HIVEP1: variants seen among roughly 807,000 people sequenced by gnomAD.
The protein encoded by HIVEP1 is HIVEP zinc finger 1.
In HIVEP1, 36 loss-of-function variants were observed where a neutral mutation model predicts 180.0. The ratio of observed to expected loss-of-function variants is 0.20; its 90% confidence interval spans 0.15 to 0.26. The LOEUF is 0.26. HIVEP1 is among the 10% of genes least tolerant of loss of function. The probability of loss-of-function intolerance (pLI) is 1.00; values close to 1 mark genes in which losing one functional copy is unlikely to be tolerated. For missense variants in HIVEP1, 3,143 were observed against 3,268.7 expected, an observed-to-expected ratio of 0.96 and a Z score of 0.94; for synonymous variants, 1,239 against 1,239.0, an observed-to-expected ratio of 1.00 and a Z score of 0.00.
the HIVEP1 span, among the ~76,000 whole-genome samples, chr6:12,196,284 A>G: frequency 6.6e-6 from 1 of 152,242 alleles, no homozygotes; most frequent in Non-Finnish European, 1.5e-5. Context: ...CCTCTAGTAG[A>G]AGTGATGTCA....
chr6:12,009,910 C>G (rs754757748), upstream of HIVEP1, among the ~76,000 whole-genome samples: 3 of 152,190 alleles, frequency 2.0e-5, no homozygotes, highest in Non-Finnish European at 4.4e-5. Context: ...ATGCTGAATC[C>G]TACATAAACA....
intron 2 of HIVEP1, among the ~76,000 whole-genome samples, chr6:12,066,974 A>C (rs7765398): frequency 0.41 from 62,328 of 151,752 alleles, 12,885 homozygotes; most frequent in East Asian, 0.64. Flanking sequence ...GCTTTGAACA[A>C]CAATAATAAT....
intron 4 of HIVEP1, among the ~76,000 whole-genome samples, chr6:12,127,014 C>T (rs9369101): frequency 0.065 from 9,888 of 152,018 alleles, 378 homozygotes; most frequent in Middle Eastern, 0.15. Flanking sequence ...CCCACCACCA[C>T]GCCTGGCTTT....
intron 2 of HIVEP1, among the ~76,000 whole-genome samples, chr6:12,056,491 G>C (rs533614757): frequency 3.3e-5 from 5 of 152,102 alleles, no homozygotes; most frequent in Admixed American, 2.6e-4. Context: ...ATCAATTTTT[G>C]TAAGTTGAAT....
chr6:12,110,131 A>G (rs1459437678), intron 3 of HIVEP1, among the ~76,000 whole-genome samples: 2 of 152,264 alleles, frequency 1.3e-5, no homozygotes, highest in Non-Finnish European at 2.9e-5. Context: ...CTATAAACAG[A>G]TGTGCTGTCA....
chr6:12,066,456 C>G (rs1312474742), intron 2 of HIVEP1, among the ~76,000 whole-genome samples: 1 of 152,166 alleles, frequency 6.6e-6, no homozygotes, highest in Non-Finnish European at 1.5e-5. Flanking sequence ...ATGGCAGCAG[C>G]TGATAAATGA....
At chr6:12,020,174 A>G in intron 2 of HIVEP1, 1 of 392,982 alleles carries the variant, frequency 2.5e-6, no homozygotes, top group South Asian at 1.9e-5. Context: ...GTTTTGTTGA[A>G]TTCAGTCTCT....
intron 2 of HIVEP1, among the ~76,000 whole-genome samples, chr6:12,019,802 C>T (rs754355265): frequency 2.6e-5 from 4 of 152,150 alleles, no homozygotes; most frequent in Admixed American, 6.5e-5. Flanking sequence ...TATATCCCTA[C>T]GGATGTGCAA....
upstream of HIVEP1, among the ~76,000 whole-genome samples, chr6:12,011,204 T>A (rs1767262149): frequency 6.6e-6 from 1 of 151,180 alleles, no homozygotes; most frequent in East Asian, 2.0e-4. Context: ...TCAAAGTTAA[T>A]GAGTTTTAAG....
the HIVEP1 span, among the ~76,000 whole-genome samples, chr6:12,179,688 C>G: frequency 6.6e-6 from 1 of 152,110 alleles, no homozygotes; most frequent in Admixed American, 6.5e-5. Context: ...GTATCACTTA[C>G]AAGTAACAGT....
At chr6:12,082,498 C>T (rs1772850575) in intron 2 of HIVEP1, among the ~76,000 whole-genome samples, 1 of 151,998 alleles carries the variant, frequency 6.6e-6, no homozygotes, top group Non-Finnish European at 1.5e-5. Flanking sequence ...GATCTTGATA[C>T]CCGCGGTCAA....
At chr6:12,176,079 C>T in the HIVEP1 span, among the ~76,000 whole-genome samples, 1 of 152,048 alleles carries the variant, frequency 6.6e-6, no homozygotes, top group African/African-American at 2.4e-5. Flanking sequence ...TGCTGGGATC[C>T]GGGATTCTTA....
chr6:12,164,342 A>T lies in HIVEP1; in HGVS notation c.8038A>T (p.Thr2680Ser). 2 of 1,613,780 alleles carry T rather than the reference A, an allele frequency of 1.2e-6. No homozygotes were observed. The highest frequency in any genetic ancestry group is 4.5e-5 in the East Asian group (2 of 44,866). ...TTTTACAAAGCCCTCAGGCCAGCAG[A>T]CTCTCTCTCCAGACAGACAGGTTCC... is the stretch of plus-strand genomic sequence containing the variant. ...EVFTKPSGQQ[T>S]LSPDRQVPRP... is the part of the protein sequence containing the mutation. Residue 2680 changes from threonine (T) to serine (S), a missense_variant, in exon 9 of 9, where the codon ACT (threonine) becomes TCT (serine). Physicochemically the swap from Thr to Ser is moderately conservative, Grantham distance 58. Around this residue, in one of 12 missense-constraint regions of HIVEP1, gnomAD observed 595 missense variants for 602.2 expected, o/e 0.99. Coordinates refer to ENST00000379388, the MANE Select transcript of HIVEP1 (RefSeq NM_002114.4).
intron 2 of HIVEP1, among the ~76,000 whole-genome samples, chr6:12,031,176 G>A (rs1332864207): frequency 6.6e-6 from 1 of 152,188 alleles, no homozygotes; most frequent in East Asian, 1.9e-4. Flanking sequence ...GTCTGTGTGT[G>A]GGCTGGGGAG....
At chr6:12,161,374 T>A in intron 7 of HIVEP1, 65 bp from the exon 8 acceptor site, 1 of 1,495,010 alleles carries the variant, frequency 6.7e-7, no homozygotes. Flanking sequence ...TATAAAAAAT[T>A]TTTAAAATAG....
chr6:12,123,877 G>A lies in HIVEP1; in HGVS notation c.4082G>A (p.Arg1361Gln), dbSNP rs765968431. 5.0e-6 allele frequency: 8 copies of A among 1,613,982 alleles called. No individual in the cohort carries two copies. Among genetic ancestry groups the A allele is most frequent in the East Asian group, 2.2e-5 (1 of 44,878 alleles). Reference sequence around the variant, plus strand: ...ACTCTGAATGTTCCTGGATGTCACCGGGAAATGAGGCGTACTGCATCAGAA... The same window carrying A: ...ACTCTGAATGTTCCTGGATGTCACCAGGAAATGAGGCGTACTGCATCAGAA... ...LNTLNVPGCH[R>Q]EMRRTASEQI... The change falls in exon 4 of 9, where the codon CGG becomes CAG. Residue 1361 changes from arginine (R) to glutamine (Q), a missense_variant. By Grantham distance (43) the Arg-to-Gln change is conservative. Coordinates refer to ENST00000379388, the MANE Select transcript of HIVEP1 (RefSeq NM_002114.4).
At chr6:12,078,636 C>T (rs201889437) in intron 2 of HIVEP1, among the ~76,000 whole-genome samples, 9 of 31,794 alleles carry the variant, frequency 2.8e-4, no homozygotes, top group African/African-American at 1.5e-3. Context: ...CATATATATA[C>T]ACACACACAC....
At chr6:12,039,694 C>T (rs1246096725) in intron 2 of HIVEP1, among the ~76,000 whole-genome samples, 1 of 152,158 alleles carries the variant, frequency 6.6e-6, no homozygotes, top group Admixed American at 6.5e-5. Flanking sequence ...GTAGAAGTAG[C>T]CTCTTTGACT....
intron 3 of HIVEP1, among the ~76,000 whole-genome samples, chr6:12,118,136 C>CTTTTTTTTTTTTTTTTTTTTTTTTT (rs201847516): frequency 3.7e-5 from 1 of 27,352 alleles, no homozygotes; most frequent in African/African-American, 5.8e-5. Flanking sequence ...ATGAGACCCC[C>CTTTTTTTTTTTTTTTTTTTTTTTTT]TTTTGTTTTT....
Sources: gnomAD v4.1 joint callset for allele counts (sites outside exome capture counted in the v4.1 genomes callset) on GRCh38, gnomAD v4.1.1 for gene constraint, gnomAD v4.1.1 regional missense constraint, MANE v1.5 for transcripts, NCBI Gene and HGNC (gene_info 2026-07-23, HGNC 2026-07-21) for gene names.